The following KCNIP1 variants were observed in gnomAD, a reference collection of about 807,000 sequenced individuals.
KCNIP1 encodes A-type potassium channel modulatory protein KCNIP1.
A neutral mutation model predicts 33.0 loss-of-function variants in KCNIP1; 18 were observed. The observed-to-expected ratio is 0.55, with a 90% CI of 0.38 to 0.81. KCNIP1 has a LOEUF of 0.81. Ranked by LOEUF, KCNIP1 falls within the 30% of genes least tolerant of loss-of-function variation. KCNIP1 has a pLI of 0.00. For synonymous variants in KCNIP1, 93 were observed against 98.3 expected, an observed-to-expected ratio of 0.95 and a Z score of 0.32; for missense variants, 238 against 271.6, an observed-to-expected ratio of 0.88 and a Z score of 0.87.
chr5:170,472,615 G>T (rs879847636), intron 1 of KCNIP1, among the ~76,000 whole-genome samples: 51 of 117,480 alleles, frequency 4.3e-4, no homozygotes, highest in Non-Finnish European at 2.6e-4. Flanking sequence ...AAAGTCCATT[G>T]TATCAGTTTT....
intron 1 of KCNIP1, among the ~76,000 whole-genome samples, chr5:170,550,697 C>T (rs1756593420): frequency 6.6e-6 from 1 of 150,598 alleles, no homozygotes; most frequent in Non-Finnish European, 1.5e-5. Context: ...ATGGTGATGA[C>T]AATGATGGTA....
intron 1 of KCNIP1, among the ~76,000 whole-genome samples, chr5:170,466,292 G>A (rs1451799729): frequency 2.0e-5 from 3 of 152,152 alleles, no homozygotes; most frequent in African/African-American, 7.2e-5. Flanking sequence ...GATTAGCAGG[G>A]GAGAGAGCAG....
chr5:170,577,534 ATGG>A (rs1757645443), intron 1 of KCNIP1, among the ~76,000 whole-genome samples: 1 of 152,182 alleles, frequency 6.6e-6, no homozygotes, highest in Non-Finnish European at 1.5e-5. Flanking sequence ...ATCTTTTAAT[ATGG>A]ACCGTCTCAC....
At chr5:170,570,583 G>A (rs907628232) in intron 1 of KCNIP1, among the ~76,000 whole-genome samples, 2 of 152,198 alleles carry the variant, frequency 1.3e-5, no homozygotes, top group African/African-American at 4.8e-5. Context: ...AATAGAGGCA[G>A]GTTTTAAATC....
intron 1 of KCNIP1, among the ~76,000 whole-genome samples, chr5:170,626,157 G>T: frequency 6.6e-6 from 1 of 152,222 alleles, no homozygotes; most frequent in Non-Finnish European, 1.5e-5. Context: ...CTGCTATGTA[G>T]AACAACTGTA....
chr5:170,550,507 GTGA>G (rs1294757359), intron 1 of KCNIP1, among the ~76,000 whole-genome samples: 89 of 147,926 alleles, frequency 6.0e-4, no homozygotes, highest in African/African-American at 2.0e-3. Context: ...GATGATGATG[GTGA>G]TGATGATGGC....
chr5:170,437,719 G>T (rs1206372071), intron 1 of KCNIP1, among the ~76,000 whole-genome samples: 2 of 152,170 alleles, frequency 1.3e-5, no homozygotes, highest in African/African-American at 4.8e-5. Context: ...TCTGGACAGG[G>T]TCCACAGAGG....
chr5:170,451,878 G>A (rs1365576193), intron 1 of KCNIP1, among the ~76,000 whole-genome samples: 1 of 152,030 alleles, frequency 6.6e-6, no homozygotes, highest in Non-Finnish European at 1.5e-5. Flanking sequence ...TGTTATCACT[G>A]GATGATTACA....
At chr5:170,575,996 G>A (rs1054753271) in intron 1 of KCNIP1, among the ~76,000 whole-genome samples, 34 of 152,272 alleles carry the variant, frequency 2.2e-4, no homozygotes, top group African/African-American at 6.0e-4. Flanking sequence ...CACCCCAAAC[G>A]CAATGCTCTA....
At chr5:170,694,228 T>A (rs183383943) in intron 1 of KCNIP1, among the ~76,000 whole-genome samples, 2 of 152,334 alleles carry the variant, frequency 1.3e-5, no homozygotes, top group Non-Finnish European at 2.9e-5. Flanking sequence ...ACATTTTGGC[T>A]TACAATTTTG....
intron 1 of KCNIP1, among the ~76,000 whole-genome samples, chr5:170,577,059 A>G (rs1307767324): frequency 6.6e-6 from 1 of 152,098 alleles, no homozygotes; most frequent in East Asian, 1.9e-4. Context: ...GGGTCACCAT[A>G]TGTCTTTCCC....
intron 1 of KCNIP1, among the ~76,000 whole-genome samples, chr5:170,372,510 T>C (rs564474435): frequency 1.1e-4 from 16 of 152,262 alleles, no homozygotes; most frequent in Non-Finnish European, 1.9e-4. Flanking sequence ...TCTCTAATCA[T>C]GGCTTGGTCC....
chr5:170,587,573 C>A (rs930730619), intron 1 of KCNIP1, among the ~76,000 whole-genome samples: 1 of 152,146 alleles, frequency 6.6e-6, no homozygotes, highest in South Asian at 2.1e-4. Context: ...TGTTTCCTTG[C>A]CTGTTACAGC....
At chr5:170,570,413 A>C (rs917059859) in intron 1 of KCNIP1, among the ~76,000 whole-genome samples, 2 of 152,070 alleles carry the variant, frequency 1.3e-5, no homozygotes, top group African/African-American at 4.8e-5. Context: ...ACGCTGTTAC[A>C]CTTCCCCACA....
At chr5:170,720,964 C>T (rs1334806849) in intron 3 of KCNIP1, among the ~76,000 whole-genome samples, 1 of 152,256 alleles carries the variant, frequency 6.6e-6, no homozygotes, top group Non-Finnish European at 1.5e-5. Flanking sequence ...ACAACAGCTG[C>T]TCTGTTGCCC....
At chr5:170,692,242 G>A (rs1198986906) in intron 1 of KCNIP1, among the ~76,000 whole-genome samples, 5 of 152,106 alleles carry the variant, frequency 3.3e-5, no homozygotes, top group Non-Finnish European at 5.9e-5. Context: ...GTACCACCAC[G>A]GCCAAATGCA....
chr5:170,407,903 A>T (rs780236456), intron 1 of KCNIP1, among the ~76,000 whole-genome samples: 1 of 152,194 alleles, frequency 6.6e-6, no homozygotes, highest in Non-Finnish European at 1.5e-5. Context: ...CTATGGTGGC[A>T]TCTTAGCTAT....
At chr5:170,378,460 A>G in intron 1 of KCNIP1, 1 of 512,408 alleles carries the variant, frequency 2.0e-6, no homozygotes, top group Non-Finnish European at 3.4e-6. Flanking sequence ...CAGGTAATAG[A>G]GAGCTAGAAC....
At chr5:170,472,678 C>G (rs552513972) in intron 1 of KCNIP1, among the ~76,000 whole-genome samples, 50 of 148,436 alleles carry the variant, frequency 3.4e-4, no homozygotes, top group African/African-American at 1.2e-3. Flanking sequence ...GAACATACGA[C>G]GTTTGGTTTT....
Sources: gnomAD v4.1 joint callset for allele counts (sites outside exome capture counted in the v4.1 genomes callset) on GRCh38, gnomAD v4.1.1 for gene constraint, MANE v1.5 for transcripts, NCBI Gene and HGNC (gene_info 2026-07-23, HGNC 2026-07-21) for gene names.